Variants in ROR1 observed in about 807,000 individuals in gnomAD.
ROR1 encodes ROR family WNT receptor 1.
ROR1 carries 19 observed loss-of-function variants against 78.8 expected under a neutral mutation model. That is an observed-to-expected ratio of 0.24 (90% CI 0.17 to 0.35). The LOEUF is 0.35. Ranked by LOEUF, ROR1 falls within the 10% of genes least tolerant of loss-of-function variation. The probability of loss-of-function intolerance (pLI) is 1.00; values close to 1 mark genes in which losing one functional copy is unlikely to be tolerated. For synonymous variants in ROR1, 386 were observed against 433.6 expected (o/e 0.89, Z 1.36); for missense variants, 917 against 1,177.8 (o/e 0.78, Z 3.24).
chr1:64,155,143 G>A (rs966044215), intron 7 of ROR1, among the ~76,000 whole-genome samples: 2 of 151,876 alleles, frequency 1.3e-5, no homozygotes, highest in Non-Finnish European at 2.9e-5. Context: ...TTCCTTTCTC[G>A]GTCTTAATTT....
chr1:63,933,335 A>T (rs942308546), intron 1 of ROR1, among the ~76,000 whole-genome samples: 1 of 152,142 alleles, frequency 6.6e-6, no homozygotes, highest in Non-Finnish European at 1.5e-5. Flanking sequence ...TGGTTGTGAC[A>T]GTCATTGAGA....
chr1:63,880,946 G>T (rs569549360), intron 1 of ROR1, among the ~76,000 whole-genome samples: 131 of 152,212 alleles, frequency 8.6e-4, no homozygotes, highest in African/African-American at 2.8e-3. Flanking sequence ...GACGGAGACT[G>T]TTCTGTCTTA....
chr1:64,008,410 T>A (rs1438361943), intron 1 of ROR1, among the ~76,000 whole-genome samples: 1 of 152,240 alleles, frequency 6.6e-6, no homozygotes, highest in Non-Finnish European at 1.5e-5. Context: ...TTATGAATAG[T>A]GCTGTGATGA....
intron 1 of ROR1, among the ~76,000 whole-genome samples, chr1:63,848,291 G>A (rs528713975): frequency 1.3e-5 from 2 of 152,284 alleles, no homozygotes; most frequent in Non-Finnish European, 2.9e-5. Flanking sequence ...AACTCCAGAA[G>A]CATAACACAA....
intron 1 of ROR1, among the ~76,000 whole-genome samples, chr1:63,828,751 A>G (rs1236607337): frequency 2.0e-5 from 3 of 152,052 alleles, no homozygotes; most frequent in African/African-American, 7.2e-5. Flanking sequence ...GTAGGTGTTC[A>G]GGAAATATTA....
chr1:63,810,356 T>C (rs1284039666), intron 1 of ROR1, among the ~76,000 whole-genome samples: 1 of 152,238 alleles, frequency 6.6e-6, no homozygotes, highest in Non-Finnish European at 1.5e-5. Context: ...GAATCTCTTA[T>C]GTGCATTGGG....
intron 2 of ROR1, chr1:64,029,029 C>A (rs1646638777): frequency 6.6e-6 from 1 of 152,080 alleles, no homozygotes; most frequent in South Asian, 2.1e-4. Flanking sequence ...GTATTCAGAT[C>A]ATTGAACATC....
chr1:64,006,448 G>A (rs1410002172), intron 1 of ROR1, among the ~76,000 whole-genome samples: 1 of 152,156 alleles, frequency 6.6e-6, no homozygotes, highest in Non-Finnish European at 1.5e-5. Context: ...TCAGACTGGA[G>A]TTGGGGTTGG....
intron 2 of ROR1, among the ~76,000 whole-genome samples, chr1:64,033,185 C>T (rs996447004): frequency 1.3e-5 from 2 of 152,168 alleles, no homozygotes; most frequent in Non-Finnish European, 2.9e-5. Flanking sequence ...CTGGAATCTC[C>T]ATACCCCTAT....
At chr1:64,085,299 G>A (rs1647142475) in intron 4 of ROR1, among the ~76,000 whole-genome samples, 1 of 152,144 alleles carries the variant, frequency 6.6e-6, no homozygotes, top group Admixed American at 6.5e-5. Context: ...GGTGTTAATG[G>A]GATCCTGCAA....
At chr1:63,897,053 T>A (rs976348123) in intron 1 of ROR1, among the ~76,000 whole-genome samples, 1 of 152,228 alleles carries the variant, frequency 6.6e-6, no homozygotes, top group Non-Finnish European at 1.5e-5. Context: ...GTATTTTCTG[T>A]AAAATTTTCC....
At chr1:63,944,744 A>C (rs534589165) in intron 1 of ROR1, among the ~76,000 whole-genome samples, 24 of 152,214 alleles carry the variant, frequency 1.6e-4, no homozygotes, top group Non-Finnish European at 1.5e-5. Context: ...CTCTGGATGC[A>C]GAGTCAGGAG....
chr1:64,142,948 A>G (rs1649367676), intron 7 of ROR1: 1 of 1,185,708 alleles, frequency 8.4e-7, no homozygotes, highest in East Asian at 4.6e-5. Flanking sequence ...ATTTTTATAG[A>G]AAAAGATGTT....
chr1:63,791,840 G>A (rs533840549), intron 1 of ROR1, among the ~76,000 whole-genome samples: 1 of 152,082 alleles, frequency 6.6e-6, no homozygotes, highest in African/African-American at 2.4e-5. Context: ...ATCTGAGATC[G>A]AGGATTTAGA....
intron 1 of ROR1, among the ~76,000 whole-genome samples, chr1:63,984,401 A>G (rs183815115): frequency 1.2e-3 from 189 of 152,280 alleles, no homozygotes; most frequent in African/African-American, 4.3e-3. Context: ...AGCCATTCAC[A>G]TTTAAAGCTT....
At chr1:63,908,339 G>A (rs1235585588) in intron 1 of ROR1, among the ~76,000 whole-genome samples, 1 of 152,128 alleles carries the variant, frequency 6.6e-6, no homozygotes, top group Non-Finnish European at 1.5e-5. Flanking sequence ...TGGAAATGCT[G>A]GTTCCTTCAT....
chr1:63,958,305 T>A (rs955095943), intron 1 of ROR1, among the ~76,000 whole-genome samples: 4 of 152,196 alleles, frequency 2.6e-5, no homozygotes, highest in Admixed American at 2.6e-4. Flanking sequence ...TATTCTTTTT[T>A]GTGAGTCCCG....
chr1:63,805,285 T>C (rs1455544041), intron 1 of ROR1, among the ~76,000 whole-genome samples: 1 of 151,820 alleles, frequency 6.6e-6, no homozygotes, highest in Non-Finnish European at 1.5e-5. Context: ...TAGCCCGGAG[T>C]TGGGAAGCCC....
chr1:64,139,525 C>T (rs1649233297), intron 5 of ROR1, among the ~76,000 whole-genome samples: 1 of 152,190 alleles, frequency 6.6e-6, no homozygotes, highest in South Asian at 2.1e-4. Flanking sequence ...TAAGGAACCA[C>T]TAATATTCGA....
Sources: allele counts gnomAD v4.1 joint callset (sites outside exome capture counted in the v4.1 genomes callset), GRCh38; gene constraint gnomAD v4.1.1; transcripts MANE v1.5; gene names NCBI Gene and HGNC (gene_info 2026-07-23, HGNC 2026-07-21).